MTAP: variants seen among roughly 807,000 people sequenced by gnomAD.
MTAP encodes the protein methylthioadenosine phosphorylase, also known as S-methyl-5'-thioadenosine phosphorylase.
MTAP carries 33 observed loss-of-function variants against 33.6 expected under a neutral mutation model. That is an observed-to-expected ratio of 0.98 (90% CI 0.74 to 1.31). The LOEUF is 1.31. Ranked by LOEUF, MTAP falls within the 40% of genes most tolerant of loss-of-function variation. The pLI, the probability that MTAP is intolerant of heterozygous loss-of-function variation, is 0.00. For synonymous variants in MTAP, 148 were observed against 125.7 expected, an observed-to-expected ratio of 1.18 and a Z score of -1.19; for missense variants, 367 against 360.0, an observed-to-expected ratio of 1.02 and a Z score of -0.16.
chr9:21,884,339 T>C (rs952433170), intron 1 of MTAP, among the ~76,000 whole-genome samples: 1 of 152,156 alleles, frequency 6.6e-6, no homozygotes, highest in African/African-American at 2.4e-5. Context: ...GATAAATGAT[T>C]GTGGTATACT....
At chr9:21,881,857 A>G (rs1270299757) in intron 1 of MTAP, among the ~76,000 whole-genome samples, 1 of 152,046 alleles carries the variant, frequency 6.6e-6, no homozygotes, top group Non-Finnish European at 1.5e-5. Flanking sequence ...CATATGATTC[A>G]GCAATCACAT....
intron 4 of MTAP, among the ~76,000 whole-genome samples, chr9:21,829,878 C>T (rs371667366): frequency 1.1e-4 from 17 of 152,172 alleles, no homozygotes; most frequent in African/African-American, 3.9e-4. Flanking sequence ...AGGACTCTGA[C>T]AATGCTGGAA....
chr9:21,879,989 G>GA (rs1257714233), intron 1 of MTAP, among the ~76,000 whole-genome samples: 2 of 152,040 alleles, frequency 1.3e-5, no homozygotes, highest in African/African-American at 2.4e-5. Flanking sequence ...TTCAGTCATG[G>GA]AAAATCTAAG....
intron 5 of MTAP, among the ~76,000 whole-genome samples, chr9:21,844,507 A>G (rs1032476709): frequency 2.6e-5 from 4 of 152,232 alleles, no homozygotes; most frequent in African/African-American, 9.6e-5. Flanking sequence ...CAAATCCAAC[A>G]GCATATGAAA....
Position 21,862,275 on chromosome 9 carries a change from C to G in MTAP, c.*261C>G, listed in dbSNP as rs1825770285. The G allele has an allele frequency of 1.3e-6, 1 of 748,344 alleles. No homozygotes were observed. The highest frequency in any genetic ancestry group is 1.8e-6 in the Non-Finnish European group (1 of 550,916). The allele number at this position is 748,344 out of a possible 1,614,324, so 46.4% of individuals were successfully genotyped here. ...ACATTTTAAGGGGGAAAAAAAAACC[C>G]ACCATTCTCTTCTCCCCCTATTAAA... On this transcript the variant is annotated 3_prime_UTR_variant, in exon 8 of 8. Transcript: ENST00000644715.
chr9:21,867,901 A>G (rs1825879435), downstream of MTAP, among the ~76,000 whole-genome samples: 1 of 152,226 alleles, frequency 6.6e-6, no homozygotes, highest in Non-Finnish European at 1.5e-5. Flanking sequence ...TAAATAAACT[A>G]AGGTACATCA....
intron 1 of MTAP, among the ~76,000 whole-genome samples, chr9:21,925,567 C>T (rs1017793880): frequency 6.6e-6 from 1 of 152,232 alleles, no homozygotes; most frequent in Non-Finnish European, 1.5e-5. Flanking sequence ...CAGTTAACTG[C>T]CATCAGTGTG....
downstream of MTAP, chr9:21,932,684 C>G (rs990908352): frequency 1.3e-5 from 2 of 152,130 alleles, no homozygotes; most frequent in African/African-American, 4.8e-5. Flanking sequence ...TCCCCCAAAC[C>G]ATCCATGAAA....
chr9:21,940,071 G>A (rs188137161), downstream of MTAP, among the ~76,000 whole-genome samples: 22 of 152,196 alleles, frequency 1.4e-4, no homozygotes, highest in Non-Finnish European at 2.9e-4. Flanking sequence ...ACCTGAGGTC[G>A]GGAGTTTGAA....
intron 1 of MTAP, among the ~76,000 whole-genome samples, chr9:21,897,175 CA>C (rs1818309998): frequency 6.6e-6 from 1 of 152,172 alleles, no homozygotes; most frequent in East Asian, 1.9e-4. Flanking sequence ...TGACAAAATT[CA>C]GCAGCCCTTC....
At chr9:21,804,447 C>G (rs1424629936) in intron 1 of MTAP, among the ~76,000 whole-genome samples, 1 of 152,184 alleles carries the variant, frequency 6.6e-6, no homozygotes, top group Non-Finnish European at 1.5e-5. Context: ...ATGGGATTCT[C>G]AGAGACCTGA....
intron 4 of MTAP, among the ~76,000 whole-genome samples, chr9:21,832,645 T>C (rs1251389121): frequency 6.6e-6 from 1 of 152,220 alleles, no homozygotes; most frequent in Non-Finnish European, 1.5e-5. Flanking sequence ...GTGTCCACTA[T>C]TCCCCTGGAT....
chr9:21,824,117 C>G (rs953816565), intron 4 of MTAP, among the ~76,000 whole-genome samples: 7 of 152,238 alleles, frequency 4.6e-5, no homozygotes, highest in Admixed American at 1.3e-4. Context: ...CAGTCATTCT[C>G]CATCCAGCTT....
intron 1 of MTAP, chr9:21,930,899 C>T: frequency 1.6e-6 from 1 of 639,386 alleles, no homozygotes. Context: ...GGGATCTTCC[C>T]TGGGTTCTTC....
chr9:21,858,083 C>G (rs1316881702), intron 6 of MTAP, among the ~76,000 whole-genome samples: 1 of 152,108 alleles, frequency 6.6e-6, no homozygotes, highest in Non-Finnish European at 1.5e-5. Flanking sequence ...AGCAGCCAAT[C>G]CATTAATTCA....
chr9:21,912,655 G>A (rs1355932011), intron 1 of MTAP, among the ~76,000 whole-genome samples: 2 of 152,250 alleles, frequency 1.3e-5, no homozygotes, highest in Non-Finnish European at 2.9e-5. Context: ...AGCTATTTAT[G>A]ACAAACCCAC....
intron 5 of MTAP, 34 bp downstream of exon 5, chr9:21,838,044 A>C (rs935235171): frequency 2.0e-5 from 31 of 1,577,040 alleles, no homozygotes; most frequent in Non-Finnish European, 2.6e-5. Flanking sequence ...TACCAGAATA[A>C]ATCATGTGGG....
chr9:21,880,648 TATAA>T (rs1817991805), intron 1 of MTAP, among the ~76,000 whole-genome samples: 1 of 152,014 alleles, frequency 6.6e-6, no homozygotes, highest in Non-Finnish European at 1.5e-5. Context: ...ATAATCCTAT[TATAA>T]ATATTATAAA....
chr9:21,886,334 G>A (rs927608508), intron 1 of MTAP, among the ~76,000 whole-genome samples: 5 of 151,990 alleles, frequency 3.3e-5, no homozygotes, highest in South Asian at 2.1e-4. Context: ...TCAGTTCCTT[G>A]TGGATTCTGG....
Sources: gnomAD v4.1 joint callset for allele counts (sites outside exome capture counted in the v4.1 genomes callset) on GRCh38, gnomAD v4.1.1 for gene constraint, MANE v1.5 for transcripts, NCBI Gene and HGNC (gene_info 2026-07-23, HGNC 2026-07-21) for gene names.